Variants in GSN observed in about 807,000 individuals in gnomAD.
The protein encoded by GSN is gelsolin, also known as actin-depolymerizing factor.
A neutral mutation model predicts 85.7 loss-of-function variants in GSN; 56 were observed. The observed-to-expected ratio is 0.65, with a 90% CI of 0.53 to 0.82. The LOEUF (loss-of-function observed/expected upper bound fraction) is 0.82. Ranked by LOEUF, GSN falls within the 40% of genes least tolerant of loss-of-function variation. The pLI is 0.00. For missense variants in GSN, 857 were observed against 979.8 expected, an observed-to-expected ratio of 0.87 and a Z score of 1.67; for synonymous variants, 373 against 399.1, an observed-to-expected ratio of 0.93 and a Z score of 0.78.
chr9:121,289,015 G>A (rs894229080), intron 2 of GSN, among the ~76,000 whole-genome samples: 3 of 152,142 alleles, frequency 2.0e-5, no homozygotes, highest in African/African-American at 4.8e-5. Context: ...TGGTACTTAG[G>A]ATTTGAGACT....
intron 4 of GSN, among the ~76,000 whole-genome samples, chr9:121,217,798 GTAT>G (rs202182690): frequency 0.078 from 11,110 of 143,262 alleles, 603 homozygotes; most frequent in African/African-American, 0.15. Context: ...ATATAGAAAT[GTAT>G]TATTATTATT....
chr9:121,319,456 G>A (rs879493939), intron 10 of GSN, among the ~76,000 whole-genome samples: 1 of 151,890 alleles, frequency 6.6e-6, no homozygotes, highest in Non-Finnish European at 1.5e-5. Context: ...TATTAAATCA[G>A]ACATGCAACA....
At position 121,331,422 on chromosome 9, in the gene GSN, A is replaced by T. The variant is rs775835058; in HGVS notation, c.2000A>T (p.Glu667Val). The change falls in exon 17 of 18, where the codon GAA becomes GTA. Residue 667 changes from glutamate (E) to valine (V), a missense_variant. Glu to Val is a moderately radical substitution (Grantham distance 121). Coordinates refer to ENST00000432226, the MANE Select transcript of GSN (RefSeq NM_198252.3). The part of the protein sequence containing the change: ...FVWVGKDSQE[E>V]EKTEALTSAK... ...TGGGTTGGAAAGGATTCTCAAGAAG[A>T]AGAAAAGACAGAAGCCTTGACTTCT... 6.3e-7 allele frequency: 1 copy of T among 1,595,390 alleles called. No homozygotes were observed. Among genetic ancestry groups the T allele is most frequent in the East Asian group, 2.3e-5 (1 of 43,686 alleles).
chr9:121,228,075 C>T (rs914939947), intron 4 of GSN, among the ~76,000 whole-genome samples: 7 of 152,080 alleles, frequency 4.6e-5, no homozygotes. Context: ...TTGATCTTAA[C>T]GGTGGTGCAG....
Position 121,329,410 on chromosome 9 carries a change from G to A in GSN, c.1965+95G>A. Reference sequence around the variant, plus strand: ...ATCAGTTGCTAGAAGGACCTAAAGGGGGCAGTGCCAGGTGTTGCCAGAAAA... The same window carrying A: ...ATCAGTTGCTAGAAGGACCTAAAGGAGGCAGTGCCAGGTGTTGCCAGAAAA... On this transcript the variant is annotated intron_variant, in intron 16 of 17. Coordinates refer to ENST00000432226, the MANE Select transcript of GSN (RefSeq NM_198252.3). The surrounding 1 kb of genome is among the most constrained non-coding windows in gnomAD (Gnocchi z 4.6). 1 of 821,900 alleles carries A rather than the reference G, an allele frequency of 1.2e-6. No individual in the cohort carries two copies. The highest frequency in any genetic ancestry group is 2.2e-6 in the Non-Finnish European group (1 of 464,670). 50.9% of individuals were successfully genotyped at this position (821,900 alleles called of 1,614,324 possible).
At chr9:121,272,698 T>TAA (rs1300124547) in intron 1 of GSN, among the ~76,000 whole-genome samples, 1 of 152,252 alleles carries the variant, frequency 6.6e-6, no homozygotes, top group African/African-American at 2.4e-5. Flanking sequence ...GTAACACACT[T>TAA]ACTATGTATG....
upstream of GSN, among the ~76,000 whole-genome samples, chr9:121,204,447 C>T (rs1002114720): frequency 2.0e-5 from 3 of 152,186 alleles, no homozygotes; most frequent in African/African-American, 4.8e-5. Flanking sequence ...AACAGAAACA[C>T]TCTTGTGGAT....
chr9:121,251,274 C>T (rs1169430491), intron 6 of GSN, among the ~76,000 whole-genome samples: 7 of 136,546 alleles, frequency 5.1e-5, no homozygotes, highest in South Asian at 2.4e-4. Flanking sequence ...CTCCGTCTCC[C>T]GGGTTCAAGT....
chr9:121,239,026 C>G (rs1324075225), intron 5 of GSN: 5 of 487,156 alleles, frequency 1.0e-5, no homozygotes, highest in Non-Finnish European at 1.2e-5. Flanking sequence ...ATAGATCTGT[C>G]CCAGTCAGTT....
chr9:121,213,373 C>T (rs1483596971), intron 4 of GSN, among the ~76,000 whole-genome samples: 5 of 152,166 alleles, frequency 3.3e-5, no homozygotes, highest in African/African-American at 9.7e-5. Context: ...CCAGAGGAGC[C>T]GAATCAGGCG....
intron 2 of GSN, among the ~76,000 whole-genome samples, chr9:121,288,857 T>G (rs2058402145): frequency 6.6e-6 from 1 of 152,160 alleles, no homozygotes; most frequent in Admixed American, 6.5e-5. Context: ...CATCACATGG[T>G]GCATGAAGCA....
chr9:121,283,757 A>C (rs1030249732), intron 2 of GSN: 3 of 167,142 alleles, frequency 1.8e-5, no homozygotes, highest in Non-Finnish European at 4.4e-5. Flanking sequence ...GGTGTTGAAG[A>C]ATCAGCAAAA....
chr9:121,277,840 G>A (rs1420538746), intron 1 of GSN, among the ~76,000 whole-genome samples: 1 of 152,108 alleles, frequency 6.6e-6, no homozygotes, highest in African/African-American at 2.4e-5. Flanking sequence ...ACAGTCCTGG[G>A]GAGGCCCCAG....
chr9:121,323,892 T>C (rs908467246), intron 11 of GSN, among the ~76,000 whole-genome samples: 3 of 152,222 alleles, frequency 2.0e-5, no homozygotes, highest in Non-Finnish European at 4.4e-5. Context: ...TTTGACTAGA[T>C]AACACATTCA....
intron 16 of GSN, among the ~76,000 whole-genome samples, chr9:121,330,199 G>C (rs541047026): frequency 6.6e-6 from 1 of 152,206 alleles, no homozygotes; most frequent in East Asian, 1.9e-4. Flanking sequence ...AAAATGCTGA[G>C]TGCTGAGAAT....
intron 2 of GSN, chr9:121,282,640 C>T (rs2132631679): frequency 3.4e-6 from 2 of 584,294 alleles, no homozygotes; most frequent in Middle Eastern, 5.2e-4. Flanking sequence ...AGCTGACTCA[C>T]CCCATCAGCG....
chr9:121,212,305 G>T (rs1037541555), intron 4 of GSN, among the ~76,000 whole-genome samples: 1 of 152,162 alleles, frequency 6.6e-6, no homozygotes, highest in African/African-American at 2.4e-5. Flanking sequence ...TGAGACTTGG[G>T]CAAGCATCTT....
chr9:121,329,195 G>A lies in GSN; in HGVS notation c.1888-43G>A. 3 of 1,512,540 alleles carry A rather than the reference G, an allele frequency of 2.0e-6. No individual in the cohort carries two copies. The highest frequency in any genetic ancestry group is 1.1e-5 in the South Asian group (1 of 89,038). 93.7% of individuals were successfully genotyped at this position (1,512,540 alleles called of 1,614,324 possible). On this transcript the variant is annotated intron_variant, in intron 15 of 17. Coordinates refer to ENST00000432226, the MANE Select transcript of GSN (RefSeq NM_198252.3). This position sits in a 1 kb window ranked among gnomAD's most constrained non-coding sequence, Gnocchi z 4.6. ...GGGCAGATAAAGGAAGGCCACCCAG[G>A]GGAGGGAAGACATCTCACTGATGCT...
chr9:121,290,023 G>C (rs1210287119), intron 2 of GSN, among the ~76,000 whole-genome samples: 4 of 152,148 alleles, frequency 2.6e-5, no homozygotes, highest in Admixed American at 1.3e-4. Flanking sequence ...GCTGGAGTGT[G>C]GGGGTGAGAA....
Sources: gnomAD v4.1 joint callset for allele counts (sites outside exome capture counted in the v4.1 genomes callset) on GRCh38, gnomAD v4.1.1 for gene constraint, Gnocchi (gnomAD v3.1) non-coding constraint, MANE v1.5 for transcripts, NCBI Gene and HGNC (gene_info 2026-07-23, HGNC 2026-07-21) for gene names.